Variants in THSD7B observed in about 807,000 individuals in gnomAD.
The protein encoded by THSD7B is thrombospondin type-1 domain-containing protein 7B.
In THSD7B, 138 loss-of-function variants were observed where a neutral mutation model predicts 213.6. The ratio of observed to expected loss-of-function variants is 0.65; its 90% CI spans 0.56 to 0.74. The LOEUF (loss-of-function observed/expected upper bound fraction) is 0.74, where lower values mean the gene tolerates loss of function less well. Ranked by LOEUF, THSD7B falls within the 30% of genes least tolerant of loss-of-function variation. The probability of loss-of-function intolerance (pLI) is 0.00; values close to 1 mark genes in which losing one functional copy is unlikely to be tolerated. For missense variants in THSD7B, 1,931 were observed against 1,991.5 expected, an observed-to-expected ratio of 0.97 and a Z score of 0.58; for synonymous variants, 742 against 687.0, an observed-to-expected ratio of 1.08 and a Z score of -1.25.
At chr2:136,809,547 T>C (rs532765950) in intron 1 of THSD7B, among the ~76,000 whole-genome samples, 131 of 152,316 alleles carry the variant, frequency 8.6e-4, no homozygotes, top group African/African-American at 3.1e-3. Context: ...GGGCAGGACC[T>C]GAGACCCTGC....
chr2:137,397,378 A>T (rs969396049), intron 12 of THSD7B, among the ~76,000 whole-genome samples: 28 of 152,114 alleles, frequency 1.8e-4, no homozygotes, highest in Non-Finnish European at 3.2e-4. Flanking sequence ...AAAATCTCTC[A>T]GCATTTGCTT....
intron 12 of THSD7B, among the ~76,000 whole-genome samples, chr2:137,297,099 G>A (rs939332807): frequency 1.3e-5 from 2 of 148,380 alleles, no homozygotes; most frequent in Non-Finnish European, 3.0e-5. Context: ...AATTACTGAT[G>A]TGAATATTGG....
At chr2:137,197,314 G>A (rs1451012704) in intron 7 of THSD7B, among the ~76,000 whole-genome samples, 2 of 152,150 alleles carry the variant, frequency 1.3e-5, no homozygotes, top group South Asian at 2.1e-4. Flanking sequence ...GGAGGGAGAT[G>A]TGTGAATATT....
intron 7 of THSD7B, among the ~76,000 whole-genome samples, chr2:137,225,778 T>C (rs1336561146): frequency 1.7e-5 from 2 of 116,020 alleles, no homozygotes; most frequent in Admixed American, 1.7e-4. Flanking sequence ...AGTTTCTTTA[T>C]GTATTTCCTA....
intron 2 of THSD7B, among the ~76,000 whole-genome samples, chr2:137,051,230 C>A (rs1414052427): frequency 2.0e-5 from 3 of 152,198 alleles, no homozygotes; most frequent in African/African-American, 7.2e-5. Context: ...ACACTTAGTG[C>A]ACAGCATTAA....
chr2:136,932,275 A>C (rs567456045), intron 2 of THSD7B, among the ~76,000 whole-genome samples: 2 of 152,330 alleles, frequency 1.3e-5, no homozygotes, highest in South Asian at 4.1e-4. Context: ...TTTTACTAAA[A>C]ATTGAAAGAG....
intron 14 of THSD7B, among the ~76,000 whole-genome samples, chr2:137,441,922 ATTTC>A: frequency 6.6e-6 from 1 of 152,118 alleles, no homozygotes; most frequent in East Asian, 1.9e-4. Flanking sequence ...ATGAAAGAAT[ATTTC>A]TACTCTGCTA....
intron 14 of THSD7B, among the ~76,000 whole-genome samples, chr2:137,413,473 C>T (rs1686717717): frequency 6.6e-6 from 1 of 152,080 alleles, no homozygotes; most frequent in African/African-American, 2.4e-5. Context: ...TCTGAGGATG[C>T]TGAATAGAAA....
chr2:137,450,798 C>A, intron 14 of THSD7B, 47 bp from the exon 15 acceptor site: 2 of 1,335,912 alleles, frequency 1.5e-6, no homozygotes, highest in Admixed American at 2.3e-5. Flanking sequence ...TGAATTTGAT[C>A]AGTACATTTT....
At chr2:137,583,387 G>A (rs1436051666) in intron 17 of THSD7B, among the ~76,000 whole-genome samples, 3 of 152,018 alleles carry the variant, frequency 2.0e-5, no homozygotes, top group African/African-American at 7.2e-5. Context: ...CGTTGTTTTT[G>A]GTGTTTTAGA....
chr2:137,411,002 T>TC (rs1312163523), intron 13 of THSD7B, among the ~76,000 whole-genome samples: 1 of 152,214 alleles, frequency 6.6e-6, no homozygotes, highest in Non-Finnish European at 1.5e-5. Flanking sequence ...CAAAGTGAAT[T>TC]GGTAAGGTAA....
At chr2:137,365,657 T>C (rs1196662430) in intron 12 of THSD7B, among the ~76,000 whole-genome samples, 8 of 152,266 alleles carry the variant, frequency 5.3e-5, no homozygotes, top group Admixed American at 2.0e-4. Flanking sequence ...TCATCACTGG[T>C]CATCAGAGAA....
At chr2:137,109,833 G>T (rs1032798391) in intron 4 of THSD7B, among the ~76,000 whole-genome samples, 1 of 152,146 alleles carries the variant, frequency 6.6e-6, no homozygotes. Flanking sequence ...TGTGGCTCGG[G>T]TGTTAGGGAC....
intron 15 of THSD7B, among the ~76,000 whole-genome samples, chr2:137,500,523 A>T (rs115930670): frequency 9.8e-4 from 149 of 152,310 alleles, no homozygotes; most frequent in Admixed American, 2.5e-3. Flanking sequence ...GGAAGGTCTA[A>T]ATTATAAGTC....
At chr2:137,566,304 G>A (rs1004099452) in intron 16 of THSD7B, among the ~76,000 whole-genome samples, 2 of 152,204 alleles carry the variant, frequency 1.3e-5, no homozygotes, top group African/African-American at 4.8e-5. Flanking sequence ...TTGCTCACAT[G>A]CAGTGGAAAG....
chr2:137,244,779 A>G (rs778262670), intron 10 of THSD7B, among the ~76,000 whole-genome samples: 52 of 152,208 alleles, frequency 3.4e-4, no homozygotes, highest in Non-Finnish European at 5.6e-4. Flanking sequence ...TTCCATTTCA[A>G]TCCTATTTAC....
chr2:137,437,750 C>T (rs989418553), intron 14 of THSD7B, among the ~76,000 whole-genome samples: 1 of 152,274 alleles, frequency 6.6e-6, no homozygotes, highest in Non-Finnish European at 1.5e-5. Context: ...TCGATGCCAG[C>T]CTTCAGGCTC....
intron 2 of THSD7B, among the ~76,000 whole-genome samples, chr2:136,984,345 C>T (rs371347346): frequency 1.3e-5 from 2 of 152,216 alleles, no homozygotes; most frequent in East Asian, 1.9e-4. Flanking sequence ...GGGCAGATCC[C>T]TCCATGAATG....
At chr2:137,476,257 C>G (rs1426710730) in intron 15 of THSD7B, among the ~76,000 whole-genome samples, 1 of 151,876 alleles carries the variant, frequency 6.6e-6, no homozygotes, top group Non-Finnish European at 1.5e-5. Flanking sequence ...TATTTTTTAC[C>G]ATTCTGCAGG....
Sources: gnomAD v4.1 joint callset for allele counts (sites outside exome capture counted in the v4.1 genomes callset) on GRCh38, gnomAD v4.1.1 for gene constraint, MANE v1.5 for transcripts, NCBI Gene and HGNC (gene_info 2026-07-23, HGNC 2026-07-21) for gene names.